The following PIM1 variants were observed in gnomAD, a reference collection of about 807,000 sequenced individuals.
PIM1 encodes the protein serine/threonine-protein kinase pim-1.
PIM1 carries 9 observed loss-of-function variants against 34.5 expected under a neutral mutation model. The observed-to-expected ratio is 0.26, with a 90% CI of 0.16 to 0.46. The LOEUF is 0.46. PIM1 is among the 20% of genes least tolerant of loss of function. The pLI, the probability that PIM1 is intolerant of heterozygous loss-of-function variation, is 1.00. For synonymous variants in PIM1, 199 were observed against 175.2 expected (o/e 1.14, Z -1.07); for missense variants, 274 against 410.9 (o/e 0.67, Z 2.88).
chr6:37,171,545 G>A, intron 4 of PIM1, 54 bp downstream of exon 4: 1 of 1,576,572 alleles, frequency 6.3e-7, no homozygotes, highest in Non-Finnish European at 8.6e-7. Context: ...GCCCGGCCCA[G>A]TCCGGAGGCC....
At chr6:37,170,950 A>G (rs1762271714) in intron 2 of PIM1, 31 bp from the exon 3 acceptor site, 1 of 1,613,772 alleles carries the variant, frequency 6.2e-7, no homozygotes, top group Admixed American at 1.7e-5. Flanking sequence ...AGCCCGGACG[A>G]GGGAACCTGA....
At chr6:37,172,814 GGA>G in intron 4 of PIM1, 180 bp from the exon 5 acceptor site, 1 of 697,814 alleles carries the variant, frequency 1.4e-6, no homozygotes, top group Non-Finnish European at 2.6e-6. Context: ...GCTTTGGGTT[GGA>G]GAGATGCCGT....
At chr6:37,173,894 G>C in intron 5 of PIM1, 40 bp from the exon 6 acceptor site, 1 of 1,577,568 alleles carries the variant, frequency 6.3e-7, no homozygotes, top group Non-Finnish European at 8.6e-7. Context: ...GTAAAAACAA[G>C]TTGAGTCATT....
intron 1 of PIM1, 26 bp downstream of exon 1, chr6:37,170,683 C>G (rs1051764008): frequency 6.2e-7 from 1 of 1,606,440 alleles, no homozygotes; most frequent in Non-Finnish European, 8.5e-7. Context: ...GCCTCCGGCC[C>G]GGGGATGCGG....
rs1252838471 is a variant in PIM1 at position 37,171,038 on chromosome 6, G to A, written c.240+7G>A. The A allele has an allele frequency of 3.7e-6, 6 of 1,613,962 alleles. No homozygotes were observed. Among genetic ancestry groups the A allele is most frequent in the Non-Finnish European group, 4.2e-6 (5 of 1,180,016 alleles). On this transcript the variant is annotated splice_region_variant and intron_variant, in intron 3 of 5. Transcript: ENST00000373509. ...TTCCGACTGGGGAGAGCTGGTGAGT[G>A]CCCTGCAGGAGCGACCCCCAGGATG...
Position 37,171,368 on chromosome 6 carries a change from G to A in PIM1, c.484G>A (p.Gly162Arg), listed in dbSNP as rs761032394. Residue 162 changes from glycine to arginine, a missense_variant, in exon 4 of 6, where the codon GGG becomes AGG. By Grantham distance (125) the Gly-to-Arg change is moderately radical. Transcript: ENST00000373509. ...GGCCGTGCGGCACTGCCACAACTGC[G>A]GGGTGCTCCACCGCGACATCAAGGA... Reference protein sequence around the residue: ...LEAVRHCHNCGVLHRDIKDEN... With the variant: ...LEAVRHCHNCRVLHRDIKDEN... 1 of 1,613,928 alleles carries A rather than the reference G, an allele frequency of 6.2e-7. No homozygotes were observed. Among genetic ancestry groups the A allele is most frequent in the African/African-American group, 1.3e-5 (1 of 74,952 alleles).
chr6:37,171,118 C>T lies in PIM1; in HGVS notation c.241-7C>T, dbSNP rs753259722. 14 of 1,613,894 alleles carry T rather than the reference C, an allele frequency of 8.7e-6. No individual in the cohort carries two copies. The highest frequency in any genetic ancestry group is 1.1e-5 in the Non-Finnish European group (13 of 1,179,966). On this transcript the variant is annotated splice_region_variant and splice_polypyrimidine_tract_variant and intron_variant, in intron 3 of 5. Coordinates refer to ENST00000373509, the MANE Select transcript of PIM1 (RefSeq NM_002648.4). ...CCCGCCCTAACGCGGCCCCCTCGCC[C>T]CTGCAGCCTAATGGCACTCGAGTGC...
At chr6:37,172,672 C>T (rs1421109306) in intron 4 of PIM1, 1 of 529,512 alleles carries the variant, frequency 1.9e-6, no homozygotes, top group African/African-American at 1.9e-5. Flanking sequence ...GACATGCATC[C>T]CTTCATCCTT....
At position 37,170,856 on chromosome 6, in the gene PIM1, A is replaced by G. The variant is rs1762266784; in HGVS notation, c.166A>G (p.Ile56Val). 1 of 1,612,670 alleles carries G rather than the reference A, an allele frequency of 6.2e-7. No individual in the cohort carries two copies. The highest frequency in any genetic ancestry group is 8.5e-7 in the Non-Finnish European group (1 of 1,179,526). ...SGGFGSVYSG[I>V]RVSDNLPVAI... ...CGGCTTCGGCTCGGTCTACTCAGGC[A>G]TCCGCGTCTCCGACAACTTGCCGGT... Residue 56 changes from isoleucine to valine, a missense_variant, in exon 2 of 6, where the codon ATC (isoleucine) becomes GTC (valine). Ile to Val is a conservative substitution (Grantham distance 29, BLOSUM62 3). Around this residue, in one of 2 missense-constraint regions of PIM1, gnomAD observed 106 missense variants for 111.5 expected, o/e 0.95. Coordinates refer to ENST00000373509, the MANE Select transcript of PIM1 (RefSeq NM_002648.4).
chr6:37,170,497 C>T lies in PIM1; in HGVS notation c.-79C>T. ...GCCACAGCCACAGCCCCAGGCATAG[C>T]CTTCGGCACAGCCCCGGCTCCGGCT... On this transcript the variant is annotated 5_prime_UTR_variant, in exon 1 of 6. Transcript: ENST00000373509. 1.3e-6 allele frequency: 2 copies of T among 1,595,644 alleles called. No individual in the cohort carries two copies. The highest frequency in any genetic ancestry group is 1.7e-6 in the Non-Finnish European group (2 of 1,174,420).
Position 37,171,259 on chromosome 6 carries a change from G to A in PIM1, c.375G>A (p.Pro125=), listed in dbSNP as rs762319346. The A allele has an allele frequency of 3.2e-5, 51 of 1,614,048 alleles. No homozygotes were observed. In the Admixed American group the frequency reaches 8.3e-4, roughly 26 times the overall value. ...SFVLILERPE[P]VQDLFDFITE... ...TCCTGATCCTGGAGAGGCCCGAGCC[G>A]GTGCAAGATCTCTTCGACTTCATCA... The change falls in exon 4 of 6, where the codon CCG becomes CCA. Residue 125 remains proline, a synonymous_variant. Coordinates refer to ENST00000373509, the MANE Select transcript of PIM1 (RefSeq NM_002648.4).
At chr6:37,173,774 A>G (rs571143872) in intron 5 of PIM1, among the ~76,000 whole-genome samples, 160 bp from the exon 6 acceptor site, 69 of 152,306 alleles carry the variant, frequency 4.5e-4, no homozygotes, top group Non-Finnish European at 7.2e-4. Context: ...ATATTAGTCA[A>G]TACCTTCCTA....
In PIM1 at chr6:37,170,643, C is replaced by T. The variant is rs546301253; in HGVS notation, c.68C>T (p.Thr23Ile). Residue 23 changes from threonine to isoleucine, a missense_variant, in exon 1 of 6, where the codon ACC becomes ATC. Coordinates refer to ENST00000373509, the MANE Select transcript of PIM1 (RefSeq NM_002648.4). ...RAAPCNDLHA[T>I]KLAPGKEKEP... The stretch of plus-strand genomic sequence containing the variant: ...GCGCCCTGCAACGACCTGCACGCCA[C>T]CAAGCTGGCGCCCGGTGAGAGCACC... 8 of 1,612,362 alleles carry T rather than the reference C, an allele frequency of 5.0e-6. No individual in the cohort carries two copies. In the South Asian group the frequency reaches 8.8e-5, roughly 18 times the overall value.
Position 37,173,422 on chromosome 6 carries a change from C to T in PIM1, c.784+250C>T, listed in dbSNP as rs552555344. Among the ~76,000 whole-genome samples, 9 of 152,328 alleles carry T rather than the reference C, an allele frequency of 5.9e-5. No individual in the cohort carries two copies. The South Asian group carries it at 1.9e-3, about 32-fold the overall frequency. ...TTAAGAAGAAAAGACAATCTGGCTT[C>T]TCCAAAAACTTTTTTAAAGGTACCA... On this transcript the variant is annotated intron_variant, in intron 5 of 5. Transcript: ENST00000373509.
rs1219941230 is a variant in PIM1 at position 37,171,501 on chromosome 6, G to T, written c.607+10G>T. On this transcript the variant is annotated intron_variant, in intron 4 of 5. Coordinates refer to ENST00000373509, the MANE Select transcript of PIM1 (RefSeq NM_002648.4). The stretch of plus-strand genomic sequence containing the variant: ...TACACGGACTTCGATGGTGAGCCAG[G>T]CCCGGGAGGGAGCTGCCCAGGTGAC... 2.5e-6 allele frequency: 4 copies of T among 1,612,134 alleles called. No homozygotes were observed. Among genetic ancestry groups the T allele is most frequent in the African/African-American group, 2.7e-5 (2 of 74,942 alleles).
chr6:37,172,845 C>T, intron 4 of PIM1, 151 bp from the exon 5 acceptor site: 1 of 744,764 alleles, frequency 1.3e-6, no homozygotes, highest in South Asian at 1.5e-5. Context: ...CCTCCACTCT[C>T]CTTAGCCCAG....
Position 37,173,148 on chromosome 6 carries a change from T to G in PIM1, c.760T>G (p.Phe254Val), listed in dbSNP as rs1053377617. ...HDEEIIRGQV[F>V]FRQRVSSECQ... Reference sequence around the variant, plus strand: ...CGAAGAGATCATCAGGGGCCAGGTTTTCTTCAGGCAGAGGGTCTCTTCAGG... The same window carrying G: ...CGAAGAGATCATCAGGGGCCAGGTTGTCTTCAGGCAGAGGGTCTCTTCAGG... Residue 254 changes from phenylalanine (F) to valine (V), a missense_variant, in exon 5 of 6, where the codon TTC becomes GTC. Physicochemically the swap from Phe to Val is conservative, Grantham distance 50. Coordinates refer to ENST00000373509, the MANE Select transcript of PIM1 (RefSeq NM_002648.4). 5 of 1,614,186 alleles carry G rather than the reference T, an allele frequency of 3.1e-6. No homozygotes were observed. The highest frequency in any genetic ancestry group is 4.2e-6 in the Non-Finnish European group (5 of 1,180,022).
At chr6:37,172,219 A>T (rs1436883619) in intron 4 of PIM1, among the ~76,000 whole-genome samples, 1 of 152,072 alleles carries the variant, frequency 6.6e-6, no homozygotes, top group Non-Finnish European at 1.5e-5. Flanking sequence ...AGCCTTTCAA[A>T]ACTTGTGACT....
intron 4 of PIM1, chr6:37,172,660 C>T (rs751550654): frequency 1.1e-4 from 55 of 510,676 alleles, no homozygotes; most frequent in South Asian, 1.7e-4. Flanking sequence ...CTTGGTTGTG[C>T]AGACATGCAT....
Sources: allele counts gnomAD v4.1 joint callset (sites outside exome capture counted in the v4.1 genomes callset), GRCh38; gene constraint gnomAD v4.1.1; regional missense constraint gnomAD v4.1.1; transcripts MANE v1.5; gene names NCBI Gene and HGNC (gene_info 2026-07-23, HGNC 2026-07-21).